The following EXOC7 variants were observed in gnomAD, a reference collection of about 807,000 sequenced individuals.
EXOC7 encodes exocyst complex component Exo70.
Under a neutral mutation model 87.6 loss-of-function variants are expected in EXOC7, and 51 were observed. The observed-to-expected ratio is 0.58, with a 90% CI of 0.46 to 0.73. EXOC7 has a LOEUF of 0.73. Ranked by LOEUF, EXOC7 falls within the 30% of genes least tolerant of loss-of-function variation. EXOC7 has a pLI of 0.00. For synonymous variants in EXOC7, 327 were observed against 357.1 expected (o/e 0.92, Z 0.95); for missense variants, 744 against 888.4 (o/e 0.84, Z 2.07).
At chr17:76,086,953 G>C in intron 12 of EXOC7, 1 of 1,466,076 alleles carries the variant, frequency 6.8e-7, no homozygotes, top group Non-Finnish European at 9.3e-7. Context: ...GAGGGAGAAA[G>C]ATGCAAAGTG....
Position 76,088,581 on chromosome 17 carries a change from GC to G in EXOC7, c.1201-20del. 1 of 1,610,370 alleles carries G rather than the reference GC, an allele frequency of 6.2e-7. No individual in the cohort carries two copies. The highest frequency in any genetic ancestry group is 8.5e-7 in the Non-Finnish European group (1 of 1,177,758). On this transcript the variant is annotated intron_variant, in intron 9 of 18. Coordinates refer to ENST00000589210, the MANE Select transcript of EXOC7 (RefSeq NM_001013839.4). ...CCGTGCCCTGAGGAAGCACAGGGGA[GC>G]CCCCAGCTCACCTCCAGTCGCTCTG...
In EXOC7 at chr17:76,081,625, C is replaced by CG. The variant is rs746294699; in HGVS notation, c.*2022dup. ...AGGCACTGCTGTTGGCTGACGTGTG[C>CG]GGGGGGTTGCTGCCCCTCCGGGCCA... is the stretch of plus-strand genomic sequence containing the variant. On this transcript the variant is annotated 3_prime_UTR_variant, in exon 19 of 19. Coordinates refer to ENST00000589210, the MANE Select transcript of EXOC7 (RefSeq NM_001013839.4). 44 of 1,614,080 alleles carry CG rather than the reference C, an allele frequency of 2.7e-5. No individual in the cohort carries two copies. The highest frequency in any genetic ancestry group is 1.6e-4 in the Middle Eastern group (1 of 6,062).
chr17:76,081,662 G>A lies in EXOC7; in HGVS notation c.*1986C>T, dbSNP rs1204788128. 6.2e-7 allele frequency: 1 copy of A among 1,614,160 alleles called. No homozygotes were observed. Among genetic ancestry groups the A allele is most frequent in the Non-Finnish European group, 8.5e-7 (1 of 1,180,026 alleles). On this transcript the variant is annotated 3_prime_UTR_variant, in exon 19 of 19. Transcript: ENST00000589210. ...GCCCCTCCGGGCCATTGAGCGCATA[G>A]GCTACAAGGTGACATTGCTGCTGAG...
intron 2 of EXOC7, chr17:76,103,021 C>G: frequency 3.9e-6 from 1 of 257,730 alleles, no homozygotes; most frequent in Non-Finnish European, 7.6e-6. Flanking sequence ...TGCCAACCTC[C>G]TGGGCAGAGA....
chr17:76,081,573 C>T lies in EXOC7; in HGVS notation c.*2075G>A, dbSNP rs1338672573. The T allele has an allele frequency of 6.2e-7, 1 of 1,613,756 alleles. No individual in the cohort carries two copies. The highest frequency in any genetic ancestry group is 8.5e-7 in the Non-Finnish European group (1 of 1,180,058). On this transcript the variant is annotated 3_prime_UTR_variant, in exon 19 of 19. Coordinates refer to ENST00000589210, the MANE Select transcript of EXOC7 (RefSeq NM_001013839.4). ...AGGCTGAAGAACACGGCGCTCAAGT[C>T]CATCATCGCTCTCTTGGTGCCTGCA...
chr17:76,085,887 G>A (rs1598298320), intron 13 of EXOC7, 90 bp from the exon 14 acceptor site: 3 of 1,547,236 alleles, frequency 1.9e-6, no homozygotes, highest in Middle Eastern at 1.7e-4. Context: ...CCTATCCATC[G>A]CTCCTCGTCC....
At position 76,088,063 on chromosome 17, in the gene EXOC7, G is replaced by A. The variant is rs1323586018; in HGVS notation, c.1359C>T (p.Ser453=). The change falls in exon 11 of 19, where the codon AGC becomes AGT. Residue 453 remains serine, a synonymous_variant. Transcript: ENST00000589210. ...PKDGTVHELT[S]NAILFLQQLL... ...GGTGTCCTCAGGCAGCACCCACATT[G>A]CTGGTGAGCTCGTGTACGGTGCCGT... 2 of 1,613,918 alleles carry A rather than the reference G, an allele frequency of 1.2e-6. No homozygotes were observed. The highest frequency in any genetic ancestry group is 1.7e-6 in the Non-Finnish European group (2 of 1,179,990).
At chr17:76,102,802 G>A (rs982264366) in intron 2 of EXOC7, among the ~76,000 whole-genome samples, 1 of 152,124 alleles carries the variant, frequency 6.6e-6, no homozygotes, top group African/African-American at 2.4e-5. Flanking sequence ...ATGCATTAGC[G>A]CATATGACCT....
In EXOC7 at chr17:76,081,339, C is replaced by T. The variant is rs377168006; in HGVS notation, c.*2309G>A. The T allele has an allele frequency of 1.2e-5, 20 of 1,614,014 alleles. No homozygotes were observed. The highest frequency in any genetic ancestry group is 6.7e-5 in the East Asian group (3 of 44,892). On this transcript the variant is annotated 3_prime_UTR_variant, in exon 19 of 19. Transcript: ENST00000589210. ...AGATTGTGAGTGTCAAGAGGGAATA[C>T]GTAGTTTATGATCTGAAGACCCAAG... is the stretch of plus-strand genomic sequence containing the variant.
chr17:76,098,222 C>T (rs1390524361), intron 4 of EXOC7: 13 of 547,042 alleles, frequency 2.4e-5, no homozygotes, highest in African/African-American at 7.6e-5. Flanking sequence ...CTGCAACCTC[C>T]GACTTCCTGG....
Position 76,100,272 on chromosome 17 carries a change from T to C in EXOC7, c.417+999A>G, listed in dbSNP as rs558713414. 3.9e-5 allele frequency among the ~76,000 whole-genome samples: 6 copies of C among 152,242 alleles called. No homozygotes were observed. In the South Asian group the frequency reaches 1.2e-3, roughly 32 times the overall value. Reference sequence around the variant, plus strand: ...GAGAAGATGAACATATTTGTGGAGATAATGGTGATGGCTACATAACATTGT... The same window carrying C: ...GAGAAGATGAACATATTTGTGGAGACAATGGTGATGGCTACATAACATTGT... On this transcript the variant is annotated intron_variant, in intron 4 of 18. Coordinates refer to ENST00000589210, the MANE Select transcript of EXOC7 (RefSeq NM_001013839.4).
Position 76,082,747 on chromosome 17 carries a change from G to A in EXOC7, c.*901C>T. ...CAGGGCCTCTGGATTAAGCCACCCT[G>A]AGCTCTCCCTCCGCTAGCACACAAG... On this transcript the variant is annotated 3_prime_UTR_variant, in exon 19 of 19. Transcript: ENST00000589210. The A allele has an allele frequency of 2.4e-6, 3 of 1,247,522 alleles. No individual in the cohort carries two copies. The highest frequency in any genetic ancestry group is 3.3e-6 in the Non-Finnish European group (3 of 921,540). 77.3% of individuals were successfully genotyped at this position (1,247,522 alleles called of 1,614,324 possible).
At chr17:76,092,030 G>A (rs1467135818) in intron 6 of EXOC7, among the ~76,000 whole-genome samples, 1 of 152,200 alleles carries the variant, frequency 6.6e-6, no homozygotes, top group Non-Finnish European at 1.5e-5. Flanking sequence ...AGCCTCCTTT[G>A]TGGGAATGAG....
At chr17:76,102,417 GACACACACACACACACACACAC>G (rs3073225) in intron 2 of EXOC7, among the ~76,000 whole-genome samples, 3 of 144,124 alleles carry the variant, frequency 2.1e-5, no homozygotes, top group Non-Finnish European at 3.0e-5. Flanking sequence ...TACACACACA[GACACACACACACACACACACAC>G]ACACACACAC....
intron 4 of EXOC7, 79 bp from the exon 5 acceptor site, chr17:76,098,097 C>G (rs2067868038): frequency 1.6e-6 from 2 of 1,288,118 alleles, no homozygotes; most frequent in Admixed American, 1.8e-5. Context: ...CCTGTGCCAG[C>G]TCTGTCTTCT....
chr17:76,094,406 G>A lies in EXOC7; in HGVS notation c.808+8C>T. ...CTGTTGCAGAGATGGGCCAGGATGG[G>A]GGCTCACCTGGCCGCTTGACTGGCT... On this transcript the variant is annotated splice_region_variant and intron_variant, in intron 6 of 18. Coordinates refer to ENST00000589210, the MANE Select transcript of EXOC7 (RefSeq NM_001013839.4). The A allele has an allele frequency of 6.2e-7, 1 of 1,610,786 alleles. No homozygotes were observed. The highest frequency in any genetic ancestry group is 8.5e-7 in the Non-Finnish European group (1 of 1,178,372).
chr17:76,089,595 A>G, intron 7 of EXOC7: 1 of 515,050 alleles, frequency 1.9e-6, no homozygotes, highest in Non-Finnish European at 3.5e-6. Flanking sequence ...TGACGGATGG[A>G]AAGATAAGGA....
chr17:76,092,162 C>T (rs915848509), intron 6 of EXOC7, among the ~76,000 whole-genome samples: 30 of 152,126 alleles, frequency 2.0e-4, no homozygotes, highest in African/African-American at 7.0e-4. Flanking sequence ...CCCCCACAGT[C>T]TATCTGAGCA....
intron 5 of EXOC7, among the ~76,000 whole-genome samples, chr17:76,097,114 T>C (rs2067797792): frequency 6.6e-6 from 1 of 152,056 alleles, no homozygotes; most frequent in Non-Finnish European, 1.5e-5. Flanking sequence ...TCCCAAACTG[T>C]TAGGATTACA....
Sources: allele counts gnomAD v4.1 joint callset (sites outside exome capture counted in the v4.1 genomes callset), GRCh38; gene constraint gnomAD v4.1.1; transcripts MANE v1.5; gene names NCBI Gene and HGNC (gene_info 2026-07-23, HGNC 2026-07-21).